Variants in STK3 observed in about 807,000 individuals in gnomAD.
STK3 encodes the protein serine/threonine kinase 3, also known as serine/threonine-protein kinase 3.
STK3 carries 41 observed loss-of-function variants against 58.0 expected under a neutral mutation model. The ratio of observed to expected loss-of-function variants is 0.71; its 90% confidence interval spans 0.55 to 0.92. The LOEUF (loss-of-function observed/expected upper bound fraction) is 0.92. Ranked by LOEUF, STK3 falls within the 40% of genes least tolerant of loss-of-function variation. The pLI is 0.00. For missense variants in STK3, 479 were observed against 602.7 expected, an observed-to-expected ratio of 0.79 and a Z score of 2.15; for synonymous variants, 170 against 191.0, an observed-to-expected ratio of 0.89 and a Z score of 0.91.
In STK3 at chr8:98,800,898, A is replaced by G. The variant is rs946150967; in HGVS notation, c.26+24617T>C. Among the ~76,000 whole-genome samples the G allele has an allele frequency of 3.3e-5, 5 of 152,150 alleles. No individual in the cohort carries two copies. Among genetic ancestry groups the G allele is most frequent in the Non-Finnish European group, 7.4e-5 (5 of 68,022 alleles). On this transcript the variant is annotated intron_variant, in intron 1 of 10. Coordinates refer to ENST00000419617, the MANE Select transcript of STK3 (RefSeq NM_006281.4). The surrounding 1 kb of genome is among the most constrained non-coding windows in gnomAD (Gnocchi z 4.8). The stretch of plus-strand genomic sequence containing the variant: ...CCAAGGTGGGCTCCCGTGCAGCCGG[A>G]GCCTCCCCAACAGGCGCTGGCCCCT...
chr8:98,706,355 A>T, intron 6 of STK3, 112 bp downstream of exon 6: 2 of 1,137,724 alleles, frequency 1.8e-6, no homozygotes, highest in Non-Finnish European at 2.4e-6. Flanking sequence ...TACCATTTTT[A>T]AAAAGAATAC....
upstream of STK3, among the ~76,000 whole-genome samples, chr8:98,826,260 C>T (rs1835299864): frequency 6.6e-6 from 1 of 152,232 alleles, no homozygotes; most frequent in Admixed American, 6.5e-5. Context: ...TCACTGCCCA[C>T]GCTTCCCTCT....
intron 4 of STK3, among the ~76,000 whole-genome samples, chr8:98,710,458 C>T (rs1309263425): frequency 1.3e-5 from 2 of 152,188 alleles, no homozygotes; most frequent in African/African-American, 2.4e-5. Context: ...CTGTGCTTTT[C>T]CAATGGTCTT....
At chr8:98,696,041 G>C (rs1004903641) in intron 6 of STK3, among the ~76,000 whole-genome samples, 1 of 151,848 alleles carries the variant, frequency 6.6e-6, no homozygotes, top group Non-Finnish European at 1.5e-5. Context: ...TTATTTCATT[G>C]AGCAGTGGTT....
At chr8:98,474,043 T>C (rs1009599836) in intron 10 of STK3, among the ~76,000 whole-genome samples, 7 of 152,194 alleles carry the variant, frequency 4.6e-5, no homozygotes, top group African/African-American at 1.4e-4. Context: ...TAACCTTTCC[T>C]ATTTCACTAA....
intron 10 of STK3, among the ~76,000 whole-genome samples, chr8:98,456,638 A>AT (rs531135483): frequency 1.3e-5 from 2 of 151,570 alleles, no homozygotes; most frequent in Admixed American, 6.6e-5. Context: ...TCTTCTTCTT[A>AT]TTTTTTTTGA....
chr8:98,779,191 A>G (rs1172470875), intron 1 of STK3, among the ~76,000 whole-genome samples: 1 of 152,026 alleles, frequency 6.6e-6, no homozygotes, highest in Admixed American at 6.5e-5. Flanking sequence ...ATCAAAAATC[A>G]GCATCATAGG....
At chr8:98,513,025 CTA>C (rs150245020) in intron 10 of STK3, among the ~76,000 whole-genome samples, 4,553 of 152,210 alleles carry the variant, frequency 0.03, 102 homozygotes, top group South Asian at 0.06. Flanking sequence ...AAAAAATAAA[CTA>C]AAATATTTCT....
chr8:98,562,962 T>TA (rs1283016452), intron 8 of STK3, among the ~76,000 whole-genome samples: 20 of 128,668 alleles, frequency 1.6e-4, no homozygotes, highest in East Asian at 6.6e-4. Flanking sequence ...TATGCAAAAT[T>TA]AAAAAAAAAA....
chr8:98,539,641 G>C (rs1810063590), intron 9 of STK3, among the ~76,000 whole-genome samples: 1 of 152,082 alleles, frequency 6.6e-6, no homozygotes, highest in African/African-American at 2.4e-5. Flanking sequence ...TTTTTAAAAT[G>C]TATATTTAGT....
chr8:98,479,876 C>A (rs898728542), intron 10 of STK3, among the ~76,000 whole-genome samples: 5 of 152,100 alleles, frequency 3.3e-5, no homozygotes, highest in Non-Finnish European at 5.9e-5. Flanking sequence ...AATGGGAAAT[C>A]TCAGCAGAGA....
At chr8:98,583,297 G>A (rs532626026) in intron 7 of STK3, among the ~76,000 whole-genome samples, 1 of 152,178 alleles carries the variant, frequency 6.6e-6, no homozygotes, top group South Asian at 2.1e-4. Context: ...ATGGGAGCGA[G>A]GGCAGAGGGT....
rs377500186 is a variant in STK3, at chr8:98,562,811, T to C, written c.949-14650A>G. ...CCTGTAGTCCCAGCTACTTGGGAGG[T>C]TGAGGCAGGAGGATCGCTTCAGCCC... On this transcript the variant is annotated intron_variant, in intron 8 of 10. Transcript: ENST00000419617. Among the ~76,000 whole-genome samples the C allele has an allele frequency of 6.4e-4, 78 of 120,938 alleles. 1 individual carries two copies. Among genetic ancestry groups the C allele is most frequent in the African/African-American group, 2.4e-3 (72 of 30,608 alleles). The allele number at this position is 120,938 out of a possible 152,430, so 79.3% of individuals were successfully genotyped here. A position where few individuals can be genotyped will look rare whatever the true frequency, so the allele number is the denominator to read the frequency against.
intron 10 of STK3, among the ~76,000 whole-genome samples, chr8:98,509,226 TC>T (rs1312513648): frequency 2.0e-5 from 3 of 152,068 alleles, no homozygotes; most frequent in Non-Finnish European, 4.4e-5. Context: ...CTTGGGTGGT[TC>T]TTTAAAGTTT....
rs146742575 is a variant in STK3, at chr8:98,905,846, G to A, written c.-78-22012C>T. Among the ~76,000 whole-genome samples, 327 of 152,290 alleles carry A rather than the reference G, an allele frequency of 2.1e-3. 1 individual carries two copies. Among genetic ancestry groups the A allele is most frequent in the African/African-American group, 7.6e-3 (315 of 41,570 alleles). ...CCAGAGTAGGATCAGAGAATCCAGC[G>A]CAGCCACATGGTAGAAGGAGATTTA... On this transcript the variant is annotated intron_variant, in intron 1 of 1. Coordinates refer to the STK3 transcript ENST00000519420.
intron 10 of STK3, among the ~76,000 whole-genome samples, chr8:98,484,034 A>G (rs1251423416): frequency 2.7e-5 from 4 of 147,216 alleles, no homozygotes; most frequent in Non-Finnish European, 6.1e-5. Context: ...GGCCTTGAAC[A>G]TAGACTGAAT....
intron 1 of STK3, among the ~76,000 whole-genome samples, chr8:98,814,107 G>A (rs1834393375): frequency 6.6e-6 from 1 of 152,160 alleles, no homozygotes; most frequent in Admixed American, 6.5e-5. Context: ...CAGGAGTGCA[G>A]TGGCATGATC....
chr8:98,531,580 T>C (rs1193757266), intron 9 of STK3, among the ~76,000 whole-genome samples: 2 of 152,206 alleles, frequency 1.3e-5, no homozygotes, highest in Non-Finnish European at 2.9e-5. Flanking sequence ...GAACATTGGC[T>C]TCAACTTAGT....
At chr8:98,893,509 AAAG>A (rs1417096261) in intron 1 of STK3, among the ~76,000 whole-genome samples, 12 of 148,044 alleles carry the variant, frequency 8.1e-5, no homozygotes, top group Admixed American at 1.3e-4. Flanking sequence ...AGAAAGAAAG[AAAG>A]AAAGAAAGAA....
Sources: allele counts gnomAD v4.1 joint callset (sites outside exome capture counted in the v4.1 genomes callset), GRCh38; gene constraint gnomAD v4.1.1; non-coding constraint Gnocchi (gnomAD v3.1); transcripts MANE v1.5; gene names NCBI Gene and HGNC (gene_info 2026-07-23, HGNC 2026-07-21).